Variants in FMN2 observed in about 807,000 individuals in gnomAD.
FMN2 encodes formin 2, also known as formin-2.
A neutral mutation model predicts 142.3 loss-of-function variants in FMN2; 51 were observed. The ratio of observed to expected loss-of-function variants is 0.36; its 90% CI spans 0.29 to 0.45. FMN2 has a LOEUF of 0.45. Ranked by LOEUF, FMN2 falls within the 20% of genes least tolerant of loss-of-function variation. FMN2 has a pLI of 1.00. For synonymous variants in FMN2, 882 were observed against 869.8 expected (o/e 1.01, Z -0.25); for missense variants, 1,936 against 2,122.8 (o/e 0.91, Z 1.73).
intron 6 of FMN2, among the ~76,000 whole-genome samples, chr1:240,229,485 A>G (rs1348316974): frequency 6.6e-6 from 1 of 152,144 alleles, no homozygotes; most frequent in Non-Finnish European, 1.5e-5. Context: ...GTGACAGTTA[A>G]TGATGCCTCC....
At chr1:240,258,555 C>G (rs1668526223) in intron 7 of FMN2, among the ~76,000 whole-genome samples, 1 of 152,192 alleles carries the variant, frequency 6.6e-6, no homozygotes, top group African/African-American at 2.4e-5. Flanking sequence ...TAGTGACCAC[C>G]ACCTAGGATC....
At chr1:240,158,252 A>G (rs1664117738) in intron 2 of FMN2, among the ~76,000 whole-genome samples, 1 of 152,176 alleles carries the variant, frequency 6.6e-6, no homozygotes, top group African/African-American at 2.4e-5. Context: ...CTGGTTTTCA[A>G]GGCCTCAGAG....
At chr1:240,139,481 CAGT>C (rs1461785177) in intron 2 of FMN2, among the ~76,000 whole-genome samples, 1 of 151,950 alleles carries the variant, frequency 6.6e-6, no homozygotes, top group Admixed American at 6.6e-5. Context: ...TGGAAAGTGC[CAGT>C]AGAATGGGAA....
At chr1:240,164,693 T>A (rs1377352625) in intron 2 of FMN2, among the ~76,000 whole-genome samples, 1 of 152,208 alleles carries the variant, frequency 6.6e-6, no homozygotes, top group African/African-American at 2.4e-5. Flanking sequence ...TTAACAAAAA[T>A]AATCTGTTTA....
chr1:240,298,692 C>G (rs1286262982), intron 8 of FMN2, among the ~76,000 whole-genome samples: 1 of 152,082 alleles, frequency 6.6e-6, no homozygotes. Context: ...TTTATGAGAA[C>G]CTAATGCCTG....
chr1:240,174,311 C>T (rs534487795), intron 2 of FMN2, among the ~76,000 whole-genome samples: 7 of 152,158 alleles, frequency 4.6e-5, no homozygotes, highest in East Asian at 1.9e-4. Context: ...AACTGGAGGG[C>T]GGTGAAGGAT....
At position 240,375,905 on chromosome 1, in the gene FMN2, A is replaced by G. The variant is rs560107319; in HGVS notation, c.4859-16606A>G. Reference sequence around the variant, plus strand: ...CTCTAGTTACAACTTTTGATTGTCTATTTTTTCTTTCTGTTTTGTCAGTTG... The same window carrying G: ...CTCTAGTTACAACTTTTGATTGTCTGTTTTTTCTTTCTGTTTTGTCAGTTG... On this transcript the variant is annotated intron_variant, in intron 14 of 17. Coordinates refer to ENST00000319653, the MANE Select transcript of FMN2 (RefSeq NM_020066.5). 9.2e-5 allele frequency among the ~76,000 whole-genome samples: 14 copies of G among 151,864 alleles called. No individual in the cohort carries two copies. The South Asian group carries it at 2.5e-3, about 27-fold the overall frequency.
In FMN2 at chr1:240,473,880, T is replaced by G. The variant is rs757501468; in HGVS notation, c.5143-248T>G. ...ATGGAGAGTTTGACACCCTCTCATA[T>G]TGGTTAGAAGTTAAATTTTTAAAAC... On this transcript the variant is annotated intron_variant, in intron 17 of 17. Coordinates refer to ENST00000319653, the MANE Select transcript of FMN2 (RefSeq NM_020066.5). This position sits in a 1 kb window ranked among gnomAD's most constrained non-coding sequence, Gnocchi z 4.3. 6.6e-6 allele frequency among the ~76,000 whole-genome samples: 1 copy of G among 152,214 alleles called. No homozygotes were observed. Among genetic ancestry groups the G allele is most frequent in the Admixed American group, 6.5e-5 (1 of 15,274 alleles).
intron 6 of FMN2, among the ~76,000 whole-genome samples, chr1:240,213,197 G>C (rs1014131252): frequency 2.6e-5 from 4 of 152,122 alleles, no homozygotes; most frequent in Non-Finnish European, 5.9e-5. Context: ...TCCTCATTCT[G>C]TCATTAAGGC....
intron 6 of FMN2, among the ~76,000 whole-genome samples, chr1:240,219,103 C>G (rs1046605918): frequency 1.3e-5 from 2 of 152,118 alleles, no homozygotes; most frequent in Admixed American, 1.3e-4. Context: ...TTTAGCAGAC[C>G]TGGCTTGCGT....
chr1:240,400,488 C>G (rs1673939072), intron 15 of FMN2, among the ~76,000 whole-genome samples: 1 of 152,220 alleles, frequency 6.6e-6, no homozygotes, highest in Non-Finnish European at 1.5e-5. Flanking sequence ...TTAACTGCTT[C>G]TAGGACCTTG....
intron 2 of FMN2, among the ~76,000 whole-genome samples, chr1:240,138,469 G>A (rs141363491): frequency 0.016 from 2,474 of 152,126 alleles, 35 homozygotes; most frequent in South Asian, 0.053. Context: ...GGAGGCTGAG[G>A]CGGGCGGATC....
chr1:240,406,168 G>A (rs745329960), intron 15 of FMN2, among the ~76,000 whole-genome samples: 1 of 61,570 alleles, frequency 1.6e-5, no homozygotes, highest in Non-Finnish European at 2.9e-5. Flanking sequence ...CCTCGGGAGT[G>A]GGGGGAGCGA....
At chr1:240,117,916 G>A (rs1313967255) in intron 1 of FMN2, among the ~76,000 whole-genome samples, 2 of 152,200 alleles carry the variant, frequency 1.3e-5, no homozygotes, top group African/African-American at 4.8e-5. Context: ...GAATAAAGTG[G>A]ATAATGGGAA....
At chr1:240,270,598 G>A (rs570647818) in intron 7 of FMN2, among the ~76,000 whole-genome samples, 1 of 151,958 alleles carries the variant, frequency 6.6e-6, no homozygotes, top group Non-Finnish European at 1.5e-5. Flanking sequence ...CAACCTAAGT[G>A]TCCATCAACA....
chr1:240,421,831 G>A (rs1027193332), intron 15 of FMN2, among the ~76,000 whole-genome samples: 2 of 148,690 alleles, frequency 1.3e-5, no homozygotes, highest in African/African-American at 5.0e-5. Context: ...GGGGATGGGA[G>A]AACATTTTCT....
At chr1:240,460,499 C>A (rs995795723) in intron 16 of FMN2, among the ~76,000 whole-genome samples, 1 of 152,002 alleles carries the variant, frequency 6.6e-6, no homozygotes, top group African/African-American at 2.4e-5. Context: ...GGCTAAGGTA[C>A]AAGAATCGCT....
rs975387516 is a variant in FMN2 at position 240,345,734 on chromosome 1, C to T, written c.4766-10082C>T. Among the ~76,000 whole-genome samples, 15 of 152,194 alleles carry T rather than the reference C, an allele frequency of 9.9e-5. No individual in the cohort carries two copies. In the South Asian group the frequency reaches 1.0e-3, roughly 11 times the overall value. On this transcript the variant is annotated intron_variant, in intron 13 of 17. Coordinates refer to ENST00000319653, the MANE Select transcript of FMN2 (RefSeq NM_020066.5). ...CTGGCCTCAAGTGATCCACCTGCCTCGGCCTCCCAAAGTGCTGGGATTACA... is the reference window on the plus strand; with the variant it reads ...CTGGCCTCAAGTGATCCACCTGCCTTGGCCTCCCAAAGTGCTGGGATTACA...
intron 1 of FMN2, among the ~76,000 whole-genome samples, chr1:240,100,482 A>G (rs949699543): frequency 3.3e-5 from 5 of 152,222 alleles, no homozygotes; most frequent in Admixed American, 3.3e-4. Context: ...ATCTTAAAAT[A>G]TATGGAAAAT....
Sources: allele counts gnomAD v4.1 joint callset (sites outside exome capture counted in the v4.1 genomes callset), GRCh38; gene constraint gnomAD v4.1.1; non-coding constraint Gnocchi (gnomAD v3.1); transcripts MANE v1.5; gene names NCBI Gene and HGNC (gene_info 2026-07-23, HGNC 2026-07-21).